PM20D2: variants seen among roughly 807,000 people sequenced by gnomAD.
PM20D2 encodes peptidase M20 domain containing 2.
A neutral mutation model predicts 42.9 loss-of-function variants in PM20D2; 33 were observed. That is an observed-to-expected ratio of 0.77 (90% CI 0.58 to 1.03). The LOEUF (loss-of-function observed/expected upper bound fraction) is 1.03. Ranked by LOEUF, PM20D2 falls within the 50% of genes least tolerant of loss-of-function variation. PM20D2 has a pLI of 0.00. For missense variants in PM20D2, 548 were observed against 557.0 expected (o/e 0.98, Z 0.16); for synonymous variants, 250 against 228.2 (o/e 1.10, Z -0.86).
chr6:89,102,571 T>A, the PM20D2 span, among the ~76,000 whole-genome samples: 1 of 152,054 alleles, frequency 6.6e-6, no homozygotes, highest in Non-Finnish European at 1.5e-5. Context: ...GAAGAAAATG[T>A]CCTTGAAAAA....
chr6:89,096,502 A>C, the PM20D2 span: 1 of 152,226 alleles, frequency 6.6e-6, no homozygotes, highest in Non-Finnish European at 1.5e-5. Flanking sequence ...CTTTTTCATC[A>C]AACCAAATGG....
chr6:89,132,568 G>T, the PM20D2 span, among the ~76,000 whole-genome samples: 1 of 151,394 alleles, frequency 6.6e-6, no homozygotes, highest in Admixed American at 6.5e-5. Flanking sequence ...AAGACTGGAT[G>T]GGCGCAGTGG....
At chr6:89,107,130 T>C in the PM20D2 span, 2 of 1,596,332 alleles carry the variant, frequency 1.3e-6, no homozygotes, top group Non-Finnish European at 1.7e-6. Flanking sequence ...TATATTCACA[T>C]GCACACAATA....
chr6:89,126,356 C>T, the PM20D2 span, among the ~76,000 whole-genome samples: 36 of 150,790 alleles, frequency 2.4e-4, no homozygotes, highest in African/African-American at 8.1e-4. Context: ...GATTGCACCA[C>T]GGCATTCCAG....
the PM20D2 span, chr6:89,106,927 T>A: frequency 1.6e-5 from 9 of 563,076 alleles, no homozygotes; most frequent in Non-Finnish European, 6.7e-6. Context: ...GAACTTTAGG[T>A]GCCTTTTGTC....
chr6:89,107,513 T>C, the PM20D2 span, among the ~76,000 whole-genome samples: 1 of 152,160 alleles, frequency 6.6e-6, no homozygotes, highest in East Asian at 1.9e-4. Context: ...GTGGATCACT[T>C]GAACCCAGGA....
chr6:89,095,542 ACTAATTTTGCCT>A, the PM20D2 span, among the ~76,000 whole-genome samples: 1 of 152,222 alleles, frequency 6.6e-6, no homozygotes, highest in African/African-American at 2.4e-5. Flanking sequence ...TTAAATTTTG[ACTAATTTTGCCT>A]CTGGCAATGG....
the PM20D2 span, among the ~76,000 whole-genome samples, chr6:89,110,714 T>C: frequency 6.6e-6 from 1 of 152,012 alleles, no homozygotes; most frequent in Non-Finnish European, 1.5e-5. Context: ...CCTGCTTCAG[T>C]ATCACTAGCA....
rs772095903 is a variant in PM20D2 at position 89,154,924 on chromosome 6, T to G, written c.912+22T>G. On this transcript the variant is annotated intron_variant, in intron 4 of 6. Coordinates refer to ENST00000275072, the MANE Select transcript of PM20D2 (RefSeq NM_001010853.3). Reference sequence around the variant, plus strand: ...CACAGTAAGAACTTTTAAAAGTTAATCTAAGTTACAATCAGAGGTATATAT... The same window carrying G: ...CACAGTAAGAACTTTTAAAAGTTAAGCTAAGTTACAATCAGAGGTATATAT... The G allele has an allele frequency of 5.8e-6, 9 of 1,551,022 alleles. No individual in the cohort carries two copies. In the East Asian group the frequency reaches 1.9e-4, roughly 32 times the overall value.
chr6:89,117,209 G>T, the PM20D2 span, among the ~76,000 whole-genome samples: 1 of 152,274 alleles, frequency 6.6e-6, no homozygotes, highest in African/African-American at 2.4e-5. Flanking sequence ...GTTAATACTG[G>T]ACTCAGAACT....
the PM20D2 span, among the ~76,000 whole-genome samples, chr6:89,127,214 A>G: frequency 5.9e-5 from 9 of 152,186 alleles, no homozygotes; most frequent in Non-Finnish European, 1.2e-4. Flanking sequence ...TAATTTTGCA[A>G]CCCCTAATGA....
At chr6:89,144,381 A>G (rs984486896), upstream of PM20D2, among the ~76,000 whole-genome samples, 11 of 152,214 alleles carry the variant, frequency 7.2e-5, no homozygotes, top group African/African-American at 2.4e-4. Context: ...CTGCAGTAAA[A>G]TTTATTCAAA....
In PM20D2 at chr6:89,163,144, T is replaced by C. The variant is rs1771301369; in HGVS notation, c.*881T>C. The C allele has an allele frequency of 6.6e-6, 1 of 152,200 alleles. No homozygotes were observed. The highest frequency in any genetic ancestry group is 6.5e-5 in the Admixed American group (1 of 15,284). 9.4% of individuals were successfully genotyped at this position (152,200 alleles called of 1,614,324 possible). ...TATCTAGCATATTGCTTACTCTGAA[T>C]ATTCAGTACTTTTTGAATAAGCAAA... On this transcript the variant is annotated 3_prime_UTR_variant, in exon 7 of 7. Coordinates refer to ENST00000275072, the MANE Select transcript of PM20D2 (RefSeq NM_001010853.3).
the PM20D2 span, among the ~76,000 whole-genome samples, chr6:89,109,941 A>G: frequency 1.3e-5 from 2 of 152,118 alleles, no homozygotes; most frequent in Admixed American, 1.3e-4. Flanking sequence ...AATACAAAAA[A>G]TTAACTGGGC....
the PM20D2 span, chr6:89,106,713 T>C: frequency 8.0e-6 from 2 of 251,472 alleles, no homozygotes; most frequent in East Asian, 1.7e-4. Context: ...CCTTGACCTT[T>C]ACTCTTTAAG....
At chr6:89,126,710 T>C in the PM20D2 span, among the ~76,000 whole-genome samples, 814 of 146,860 alleles carry the variant, frequency 5.5e-3, 1 homozygote, top group Middle Eastern at 0.018. Flanking sequence ...CATTGTCCAC[T>C]GAAAAGGCTT....
chr6:89,151,916 T>A (rs1035516081), intron 2 of PM20D2, among the ~76,000 whole-genome samples: 6 of 151,896 alleles, frequency 4.0e-5, no homozygotes, highest in Admixed American at 3.9e-4. Context: ...GGTGAGAACC[T>A]GTCTCTACAA....
the PM20D2 span, among the ~76,000 whole-genome samples, chr6:89,135,756 A>T: frequency 2.0e-5 from 3 of 151,244 alleles, no homozygotes; most frequent in Admixed American, 6.6e-5. Flanking sequence ...TGTATATGGC[A>T]TCATTGAGTA....
the PM20D2 span, chr6:89,098,312 C>T: frequency 3.2e-6 from 1 of 310,942 alleles, no homozygotes; most frequent in Non-Finnish European, 5.9e-6. Flanking sequence ...TTACTCATTT[C>T]CCTTGAAAAG....
Sources: gnomAD v4.1 joint callset for allele counts (sites outside exome capture counted in the v4.1 genomes callset) on GRCh38, gnomAD v4.1.1 for gene constraint, MANE v1.5 for transcripts, NCBI Gene and HGNC (gene_info 2026-07-23, HGNC 2026-07-21) for gene names.